Variants in FAM13A observed in about 807,000 individuals in gnomAD.
FAM13A encodes the protein protein FAM13A.
A neutral mutation model predicts 129.6 loss-of-function variants in FAM13A; 76 were observed. The observed-to-expected ratio is 0.59, with a 90% CI of 0.49 to 0.71. The LOEUF is 0.71. Ranked by LOEUF, FAM13A falls within the 30% of genes least tolerant of loss-of-function variation. The pLI, the probability that FAM13A is intolerant of heterozygous loss-of-function variation, is 0.00. For synonymous variants in FAM13A, 443 were observed against 449.9 expected (o/e 0.98, Z 0.20); for missense variants, 1,108 against 1,249.3 (o/e 0.89, Z 1.70).
chr4:88,731,852 A>T, intron 22 of FAM13A, 150 bp downstream of exon 22: 4 of 667,862 alleles, frequency 6.0e-6, no homozygotes, highest in East Asian at 2.9e-5. Flanking sequence ...AAAAAAAGAA[A>T]TTTTTTAAAA....
chr4:88,815,820 T>TTGTTTTTTCTTTGCAC (rs1730608516), intron 7 of FAM13A, among the ~76,000 whole-genome samples: 1 of 152,094 alleles, frequency 6.6e-6, no homozygotes, highest in African/African-American at 2.4e-5. Context: ...TTTAGAAAAA[T>TTGTTTTTTCTTTGCAC]TAAAGAAGGC....
intron 6 of FAM13A, among the ~76,000 whole-genome samples, chr4:88,857,386 G>A (rs1738700478): frequency 6.6e-6 from 1 of 152,082 alleles, no homozygotes; most frequent in Non-Finnish European, 1.5e-5. Flanking sequence ...CCAGCACTTT[G>A]GCAGGCCAAG....
chr4:88,758,450 AG>A (rs1041655182), intron 14 of FAM13A, among the ~76,000 whole-genome samples: 2 of 151,688 alleles, frequency 1.3e-5, no homozygotes, highest in East Asian at 1.9e-4. Context: ...TGGTACTATG[AG>A]GGGGAAAAGA....
chr4:88,985,294 G>A (rs997694053), intron 4 of FAM13A, among the ~76,000 whole-genome samples: 1 of 152,158 alleles, frequency 6.6e-6, no homozygotes, highest in Admixed American at 6.5e-5. Context: ...GTTGTTGTGG[G>A]GAGTGATTGG....
At chr4:89,042,030 G>A (rs558140145) in intron 1 of FAM13A, among the ~76,000 whole-genome samples, 2 of 151,694 alleles carry the variant, frequency 1.3e-5, no homozygotes, top group African/African-American at 2.4e-5. Context: ...AGGGAACAAA[G>A]TGCTCGGTTA....
chr4:88,850,211 T>C (rs1490113953), intron 7 of FAM13A, among the ~76,000 whole-genome samples: 1 of 152,140 alleles, frequency 6.6e-6, no homozygotes, highest in Non-Finnish European at 1.5e-5. Context: ...TAGTAGTAAA[T>C]AAAATTCAAG....
At chr4:88,913,201 GGAA>G (rs766350670) in intron 5 of FAM13A, among the ~76,000 whole-genome samples, 7 of 120,478 alleles carry the variant, frequency 5.8e-5, no homozygotes, top group South Asian at 3.0e-4. Context: ...AAGAGGAAGA[GGAA>G]GAAGAACAGG....
intron 7 of FAM13A, among the ~76,000 whole-genome samples, chr4:88,823,707 G>C (rs1439750987): frequency 1.3e-5 from 2 of 152,182 alleles, no homozygotes; most frequent in Admixed American, 6.5e-5. Context: ...GACTTTTCTA[G>C]AAGGAAAGCA....
chr4:88,870,650 G>A (rs1579044699), intron 6 of FAM13A, among the ~76,000 whole-genome samples: 1 of 152,128 alleles, frequency 6.6e-6, no homozygotes, highest in South Asian at 2.1e-4. Context: ...ACTGGTTGGA[G>A]CCTACCGCAG....
At chr4:88,920,438 C>G (rs920863940) in intron 5 of FAM13A, among the ~76,000 whole-genome samples, 2 of 152,222 alleles carry the variant, frequency 1.3e-5, no homozygotes, top group African/African-American at 4.8e-5. Flanking sequence ...CCCAGGCAAA[C>G]AGGGTCTGGA....
At chr4:88,989,808 C>G (rs1191776742) in intron 4 of FAM13A, 1 of 152,064 alleles carries the variant, frequency 6.6e-6, no homozygotes, top group Non-Finnish European at 1.5e-5. Flanking sequence ...GTGTTTAATG[C>G]TTACTAAATA....
chr4:88,728,741 T>C (rs1736910676), intron 23 of FAM13A, 82 bp from the exon 24 acceptor site: 1 of 1,522,024 alleles, frequency 6.6e-7, no homozygotes, highest in Admixed American at 1.7e-5. Flanking sequence ...ATTATCATTG[T>C]TTAGAAACTT....
At chr4:88,746,682 G>A (rs1303577001) in intron 19 of FAM13A, among the ~76,000 whole-genome samples, 1 of 152,090 alleles carries the variant, frequency 6.6e-6, no homozygotes, top group African/African-American at 2.4e-5. Flanking sequence ...GTACATTAAT[G>A]ACTAAATTTT....
chr4:89,040,827 C>T (rs1179009091), intron 1 of FAM13A, among the ~76,000 whole-genome samples: 1 of 152,102 alleles, frequency 6.6e-6, no homozygotes, highest in Non-Finnish European at 1.5e-5. Flanking sequence ...ACATTTGAGT[C>T]AGTGGACTGG....
At chr4:88,941,090 C>T (rs1045880428) in intron 4 of FAM13A, among the ~76,000 whole-genome samples, 7 of 152,130 alleles carry the variant, frequency 4.6e-5, no homozygotes, top group African/African-American at 1.7e-4. Flanking sequence ...AGGGCTATTA[C>T]ATAAAAATCA....
intron 1 of FAM13A, among the ~76,000 whole-genome samples, chr4:89,035,069 C>T (rs191021395): frequency 6.6e-6 from 1 of 152,244 alleles, no homozygotes; most frequent in Admixed American, 6.5e-5. Flanking sequence ...GAAATCATGT[C>T]CTCTGGACAT....
chr4:89,008,624 C>A (rs1373332559), intron 3 of FAM13A, among the ~76,000 whole-genome samples: 1 of 152,188 alleles, frequency 6.6e-6, no homozygotes, highest in Non-Finnish European at 1.5e-5. Flanking sequence ...GATCCCAACT[C>A]TGCACAATCT....
At chr4:88,908,681 T>C (rs1180074992) in intron 5 of FAM13A, among the ~76,000 whole-genome samples, 3 of 152,252 alleles carry the variant, frequency 2.0e-5, no homozygotes, top group African/African-American at 7.2e-5. Flanking sequence ...TTTTATGACT[T>C]TAAACTTAGA....
At chr4:88,960,596 T>A (rs1023205191) in intron 4 of FAM13A, among the ~76,000 whole-genome samples, 1 of 152,166 alleles carries the variant, frequency 6.6e-6, no homozygotes, top group African/African-American at 2.4e-5. Flanking sequence ...TTAAGATGAC[T>A]ATGTAAGCAC....
Sources: allele counts gnomAD v4.1 joint callset (sites outside exome capture counted in the v4.1 genomes callset), GRCh38; gene constraint gnomAD v4.1.1; transcripts MANE v1.5; gene names NCBI Gene and HGNC (gene_info 2026-07-23, HGNC 2026-07-21).